TSHZ2: variants seen among roughly 807,000 people sequenced by gnomAD.
The protein encoded by TSHZ2 is teashirt zinc finger homeobox 2.
In TSHZ2, 21 loss-of-function variants were observed where a neutral mutation model predicts 74.4. The observed-to-expected ratio is 0.28, with a 90% confidence interval of 0.20 to 0.41. The LOEUF (loss-of-function observed/expected upper bound fraction) is 0.41, where lower values mean the gene tolerates loss of function less well. Ranked by LOEUF, TSHZ2 falls within the 10% of genes least tolerant of loss-of-function variation. The pLI is 1.00. For synonymous variants in TSHZ2, 540 were observed against 515.3 expected (o/e 1.05, Z -0.65); for missense variants, 1,244 against 1,293.5 (o/e 0.96, Z 0.59).
chr20:53,269,573 A>T (rs1459247670), intron 2 of TSHZ2, among the ~76,000 whole-genome samples: 1 of 152,182 alleles, frequency 6.6e-6, no homozygotes, highest in Non-Finnish European at 1.5e-5. Flanking sequence ...TCATGATGAT[A>T]TGATGATGGT....
chr20:53,227,040 A>G (rs561570687), intron 1 of TSHZ2, among the ~76,000 whole-genome samples: 20 of 152,232 alleles, frequency 1.3e-4, no homozygotes, highest in Middle Eastern at 6.8e-3. Flanking sequence ...TTTTTACTTC[A>G]ACAAAGGACT....
chr20:53,455,904 G>A (rs1003642853), intron 2 of TSHZ2, among the ~76,000 whole-genome samples: 8 of 151,350 alleles, frequency 5.3e-5, no homozygotes, highest in African/African-American at 9.7e-5. Context: ...CATTTTTTAC[G>A]GCTGCATAGT....
intron 1 of TSHZ2, among the ~76,000 whole-genome samples, chr20:53,184,754 G>C (rs71356177): frequency 2.2e-4 from 33 of 152,016 alleles, no homozygotes; most frequent in Non-Finnish European, 4.4e-4. Flanking sequence ...TGTTGCCCAG[G>C]CTGGAGTGCA....
At chr20:53,054,283 T>C (rs1259239585) in intron 1 of TSHZ2, among the ~76,000 whole-genome samples, 1 of 152,212 alleles carries the variant, frequency 6.6e-6, no homozygotes, top group Non-Finnish European at 1.5e-5. Context: ...AATTTGCCTG[T>C]CACTTGTTTA....
Position 53,211,626 on chromosome 20 carries a change from G to T in TSHZ2, c.41-41873G>T, listed in dbSNP as rs143813422. On this transcript the variant is annotated intron_variant, in intron 1 of 2. Transcript: ENST00000371497. ...AATACTCAGCAGGCTCAGATGGGAG[G>T]ATCGCTTGAGCCAGGAGATGGAGGC... 2.8e-3 allele frequency among the ~76,000 whole-genome samples: 429 copies of T among 152,336 alleles called. 3 individuals are homozygous for T. Among genetic ancestry groups the T allele is most frequent in the Non-Finnish European group, 3.7e-3 (251 of 68,032 alleles).
chr20:53,138,218 T>C (rs1987295741), intron 1 of TSHZ2, among the ~76,000 whole-genome samples: 1 of 151,736 alleles, frequency 6.6e-6, no homozygotes, highest in Non-Finnish European at 1.5e-5. Context: ...CCGTCTCTAC[T>C]AAAAAATACA....
At chr20:53,112,031 C>T (rs1986548224) in intron 1 of TSHZ2, among the ~76,000 whole-genome samples, 1 of 152,202 alleles carries the variant, frequency 6.6e-6, no homozygotes, top group Non-Finnish European at 1.5e-5. Flanking sequence ...CCGGCCTCAT[C>T]AAGAACTGAG....
At chr20:53,038,337 C>G (rs776217528) in intron 1 of TSHZ2, among the ~76,000 whole-genome samples, 5 of 150,390 alleles carry the variant, frequency 3.3e-5, no homozygotes, top group Non-Finnish European at 7.4e-5. Flanking sequence ...GAAGCAGAAG[C>G]TTACTATCCC....
intron 2 of TSHZ2, among the ~76,000 whole-genome samples, chr20:53,378,154 A>T (rs1981728701): frequency 6.6e-6 from 1 of 152,088 alleles, no homozygotes. Flanking sequence ...AGCCTGGCCA[A>T]CATGGTGAAA....
At chr20:53,447,721 C>G (rs1270905907) in intron 2 of TSHZ2, among the ~76,000 whole-genome samples, 1 of 152,182 alleles carries the variant, frequency 6.6e-6, no homozygotes, top group Non-Finnish European at 1.5e-5. Flanking sequence ...ATGTCTCCCA[C>G]TTTGGGTTTA....
At chr20:53,205,240 C>T (rs2123592174) in intron 1 of TSHZ2, among the ~76,000 whole-genome samples, 1 of 152,096 alleles carries the variant, frequency 6.6e-6, no homozygotes, top group East Asian at 1.9e-4. Context: ...AGAATTTGGA[C>T]AAATCTGAGG....
chr20:53,138,343 C>A (rs147079623), intron 1 of TSHZ2, among the ~76,000 whole-genome samples: 1 of 151,098 alleles, frequency 6.6e-6, no homozygotes, highest in African/African-American at 2.4e-5. Context: ...GAGATCAAGC[C>A]GCTGCACTCC....
At chr20:53,212,198 G>C (rs1339048422) in intron 1 of TSHZ2, among the ~76,000 whole-genome samples, 1 of 152,186 alleles carries the variant, frequency 6.6e-6, no homozygotes, top group African/African-American at 2.4e-5. Context: ...AGCACTTGGA[G>C]CATAGGAAAT....
At chr20:53,449,107 AC>A (rs1434733237) in intron 2 of TSHZ2, among the ~76,000 whole-genome samples, 2 of 151,876 alleles carry the variant, frequency 1.3e-5, no homozygotes, top group Non-Finnish European at 2.9e-5. Flanking sequence ...ACCCCCCAAC[AC>A]TTTACTGTGG....
At chr20:53,461,139 C>A (rs1269032485) in intron 2 of TSHZ2, among the ~76,000 whole-genome samples, 1 of 152,090 alleles carries the variant, frequency 6.6e-6, no homozygotes, top group Non-Finnish European at 1.5e-5. Flanking sequence ...CCTCCCCCAG[C>A]CTCGCTGCCG....
At chr20:53,404,551 G>A (rs1982776070) in intron 2 of TSHZ2, among the ~76,000 whole-genome samples, 1 of 152,044 alleles carries the variant, frequency 6.6e-6, no homozygotes, top group Non-Finnish European at 1.5e-5. Context: ...CTACTCTCTG[G>A]TTTCTTTTTG....
intron 1 of TSHZ2, among the ~76,000 whole-genome samples, chr20:53,154,544 G>T (rs1409132336): frequency 6.6e-6 from 1 of 152,080 alleles, no homozygotes; most frequent in Non-Finnish European, 1.5e-5. Flanking sequence ...AGAGATTTTT[G>T]ATTCAAAAAT....
intron 2 of TSHZ2, among the ~76,000 whole-genome samples, chr20:53,265,955 C>A (rs1285867779): frequency 6.6e-6 from 1 of 152,156 alleles, no homozygotes; most frequent in East Asian, 1.9e-4. Flanking sequence ...TTCTTACAGG[C>A]ACTGAGACTA....
chr20:53,324,736 C>G (rs1052985845), intron 2 of TSHZ2, among the ~76,000 whole-genome samples: 2 of 152,186 alleles, frequency 1.3e-5, no homozygotes, highest in African/African-American at 4.8e-5. Context: ...AGCTCTTTCT[C>G]CTGTAATCCT....
Sources: gnomAD v4.1 joint callset for allele counts (sites outside exome capture counted in the v4.1 genomes callset) on GRCh38, gnomAD v4.1.1 for gene constraint, MANE v1.5 for transcripts, NCBI Gene and HGNC (gene_info 2026-07-23, HGNC 2026-07-21) for gene names.